ATP6V0A2: variants seen among roughly 807,000 people sequenced by gnomAD.
ATP6V0A2 encodes the protein ATPase H+ transporting V0 subunit a2.
In ATP6V0A2, 58 loss-of-function variants were observed where a neutral mutation model predicts 104.4. The observed-to-expected ratio is 0.56, with a 90% CI of 0.45 to 0.69. The LOEUF is 0.69. ATP6V0A2 is among the 30% of genes least tolerant of loss of function. The pLI is 0.00. For missense variants in ATP6V0A2, 938 were observed against 1,062.9 expected, an observed-to-expected ratio of 0.88 and a Z score of 1.63; for synonymous variants, 376 against 397.9, an observed-to-expected ratio of 0.95 and a Z score of 0.65.
At chr12:123,727,633 A>T in intron 5 of ATP6V0A2, 150 bp from the exon 6 acceptor site, 1 of 926,348 alleles carries the variant, frequency 1.1e-6, no homozygotes, top group Non-Finnish European at 1.7e-6. Context: ...TTTCAAAAAT[A>T]TTCTGACCAG....
intron 3 of ATP6V0A2, chr12:123,723,283 T>C (rs1187260247): frequency 6.6e-6 from 1 of 152,160 alleles, no homozygotes; most frequent in Non-Finnish European, 1.5e-5. Context: ...GATGACTGTG[T>C]ACAGTGCTTG....
intron 13 of ATP6V0A2, 95 bp from the exon 14 acceptor site, chr12:123,747,512 A>G (rs1383092079): frequency 1.8e-5 from 15 of 836,796 alleles, no homozygotes; most frequent in Non-Finnish European, 3.0e-5. Context: ...TCTTAAACTT[A>G]GAGCCACCTT....
rs144930749 is a variant in ATP6V0A2 at position 123,712,696 on chromosome 12, G to A, written c.117+14G>A. 1.1e-3 allele frequency: 1,750 copies of A among 1,598,968 alleles called. 16 individuals carry two copies. The African/African-American group carries it at 0.021, about 19-fold the overall frequency. On this transcript the variant is annotated intron_variant, in intron 1 of 19. Transcript: ENST00000330342. ...CAGTTCCGAGACGTGAGTGTCGCCC[G>A]GGAGACGCGGGCCGCACCTGCTCTC...
At chr12:123,742,612 A>T (rs963962077) in intron 9 of ATP6V0A2, among the ~76,000 whole-genome samples, 2 of 152,132 alleles carry the variant, frequency 1.3e-5, no homozygotes, top group East Asian at 3.9e-4. Context: ...CGAGGTGGGC[A>T]GATCACCTGA....
At chr12:123,732,797 C>T (rs1956515576) in intron 6 of ATP6V0A2, 2 of 127,920 alleles carry the variant, frequency 1.6e-5, no homozygotes, top group Admixed American at 9.3e-5. Flanking sequence ...TTCTTTATAG[C>T]ACTTACCTCT....
rs368905954 is a variant in ATP6V0A2, at chr12:123,747,664, T to C, written c.1663T>C (p.Ser555Pro). 2 of 1,613,852 alleles carry C rather than the reference T, an allele frequency of 1.2e-6. No homozygotes were observed. The highest frequency in any genetic ancestry group is 1.3e-5 in the African/African-American group (1 of 74,940). ...TCTAAACTCTTTCAAAATGAAAATG[T>C]CCGTGATTTTAGGAATCATTCATAT... is the stretch of plus-strand genomic sequence containing the variant. ...TFLNSFKMKM[S>P]VILGIIHMTF... The change falls in exon 14 of 20, where the codon TCC becomes CCC. Residue 555 changes from serine to proline, a missense_variant. Transcript: ENST00000330342.
At position 123,712,663 on chromosome 12, in the gene ATP6V0A2, G is replaced by T. The variant is rs1956304049; in HGVS notation, c.98G>T (p.Gly33Val). ...TGCCTCAGCGCCCTGGGCGAGAAAG[G>T]CCTGGTCCAGTTCCGAGACGTGAGT... is the stretch of plus-strand genomic sequence containing the variant. ...YECLSALGEK[G>V]LVQFRDLNQN... The change falls in exon 1 of 20, where the codon GGC becomes GTC. Residue 33 changes from glycine (G) to valine (V), a missense_variant. Physicochemically the swap from Gly to Val is moderately radical, Grantham distance 109 (BLOSUM62 -3). Coordinates refer to ENST00000330342, the MANE Select transcript of ATP6V0A2 (RefSeq NM_012463.4). 1 of 1,610,234 alleles carries T rather than the reference G, an allele frequency of 6.2e-7. No individual in the cohort carries two copies.
intron 6 of ATP6V0A2, among the ~76,000 whole-genome samples, chr12:123,728,900 C>T (rs1457362507): frequency 2.0e-5 from 3 of 152,068 alleles, no homozygotes; most frequent in Non-Finnish European, 4.4e-5. Context: ...CATTACTGGT[C>T]GTGGTCGCTC....
At chr12:123,753,058 C>G (rs528696569) in intron 17 of ATP6V0A2, among the ~76,000 whole-genome samples, 118 of 152,164 alleles carry the variant, frequency 7.8e-4, no homozygotes, top group African/African-American at 2.7e-3. Context: ...GTCCCCTTTA[C>G]GAGTGACCGC....
chr12:123,742,423 CG>C (rs1956618417), intron 9 of ATP6V0A2, among the ~76,000 whole-genome samples: 1 of 152,068 alleles, frequency 6.6e-6, no homozygotes, highest in Admixed American at 6.6e-5. Flanking sequence ...AAATGCCATC[CG>C]TAGGCTTTAG....
Position 123,719,610 on chromosome 12 carries a change from C to T in ATP6V0A2, c.196+909C>T, listed in dbSNP as rs1161763452. Reference sequence around the variant, plus strand: ...CCATGTTGGCCAGGCTGGTCTTGAACTCCTTGTTAGGGACAAACCGCCCCA... The same window carrying T: ...CCATGTTGGCCAGGCTGGTCTTGAATTCCTTGTTAGGGACAAACCGCCCCA... On this transcript the variant is annotated intron_variant, in intron 2 of 19. Transcript: ENST00000330342. Among the ~76,000 whole-genome samples the T allele has an allele frequency of 6.6e-5, 10 of 151,828 alleles. 1 individual carries two copies. In the South Asian group the frequency reaches 8.3e-4, roughly 13 times the overall value.
chr12:123,752,759 C>T (rs765952102), intron 17 of ATP6V0A2, among the ~76,000 whole-genome samples: 2 of 152,104 alleles, frequency 1.3e-5, no homozygotes, highest in African/African-American at 4.8e-5. Context: ...TTTCTGATTG[C>T]GAAGGGATTT....
At chr12:123,717,914 T>G (rs1246959633) in intron 1 of ATP6V0A2, among the ~76,000 whole-genome samples, 1 of 152,052 alleles carries the variant, frequency 6.6e-6, no homozygotes, top group Non-Finnish European at 1.5e-5. Flanking sequence ...GCTGGGCAAA[T>G]AATCATTTTC....
rs375230427 is a variant in ATP6V0A2 at position 123,737,333 on chromosome 12, CAG to C, written c.1038+66_1038+67del. 8.7e-5 allele frequency: 133 copies of C among 1,526,574 alleles called. 1 individual carries two copies. The East Asian group carries it at 2.2e-3, about 25-fold the overall frequency. The allele number at this position is 1,526,574 out of a possible 1,614,324, so 94.6% of individuals were successfully genotyped here. ...GAGAGACTGATGGAACTGATAAATTCAGAGAAAAAAAGGAAGTGAGAATTTCA... is the reference window on the plus strand; with the variant it reads ...GAGAGACTGATGGAACTGATAAATTCAGAAAAAAAGGAAGTGAGAATTTCA... On this transcript the variant is annotated intron_variant, in intron 9 of 19. Transcript: ENST00000330342.
At chr12:123,738,170 C>T (rs375100564) in intron 9 of ATP6V0A2, among the ~76,000 whole-genome samples, 6 of 152,050 alleles carry the variant, frequency 3.9e-5, no homozygotes, top group South Asian at 2.1e-4. Flanking sequence ...TTTGGGAGGC[C>T]GAGGCGGGTG....
Position 123,752,291 on chromosome 12 carries a change from C to T in ATP6V0A2, c.2064C>T (p.Tyr688=). The change falls in exon 17 of 20, where the codon TAC becomes TAT. Residue 688 remains tyrosine (Y), a synonymous_variant. Transcript: ENST00000330342. ...RSCFGVNRSG[Y]TLIRKDSEEE... is the part of the protein sequence containing the mutation. Reference sequence around the variant, plus strand: ...GCTCTTTTGGTTGTTAGAGTGGCTACACACTTATAAGGAAAGATAGTGAGG... The same window carrying T: ...GCTCTTTTGGTTGTTAGAGTGGCTATACACTTATAAGGAAAGATAGTGAGG... 1 of 1,613,516 alleles carries T rather than the reference C, an allele frequency of 6.2e-7. No individual in the cohort carries two copies. Among genetic ancestry groups the T allele is most frequent in the Non-Finnish European group, 8.5e-7 (1 of 1,179,944 alleles).
At chr12:123,719,679 G>A (rs1277333188) in intron 2 of ATP6V0A2, among the ~76,000 whole-genome samples, 2 of 151,876 alleles carry the variant, frequency 1.3e-5, no homozygotes, top group African/African-American at 2.4e-5. Flanking sequence ...AAAGCTCTCC[G>A]TGCTGCCTAC....
Position 123,757,924 on chromosome 12 carries a change from TAG to T in ATP6V0A2, c.2466-2_2466-1del. 3 of 1,549,884 alleles carry T rather than the reference TAG, an allele frequency of 1.9e-6. No homozygotes were observed. The highest frequency in any genetic ancestry group is 3.5e-5 in the Admixed American group (2 of 57,502). On this transcript the variant is annotated splice_acceptor_variant, in intron 19 of 19. Coordinates refer to ENST00000330342, the MANE Select transcript of ATP6V0A2 (RefSeq NM_012463.4). LOFTEE classifies it high-confidence loss of function. Reference sequence around the variant, plus strand: ...ATTAATACATGGCTTTTTTTTTTTTTAGGGTAGAATTTCAGAACAAATTCTAC... The same window carrying T: ...ATTAATACATGGCTTTTTTTTTTTTTGGTAGAATTTCAGAACAAATTCTAC...
In ATP6V0A2 at chr12:123,712,813, A is replaced by G. The variant is rs536927573; in HGVS notation, c.117+131A>G. The G allele has an allele frequency of 5.8e-5, 48 of 833,696 alleles. No homozygotes were observed. The South Asian group carries it at 6.9e-4, about 12-fold the overall frequency. 51.6% of individuals were successfully genotyped at this position (833,696 alleles called of 1,614,324 possible). ...CGTCCCCATTGTCCAGACGGGGAAG[A>G]TGACACCCCAGCTCAGCGGCCAAAG... is the stretch of plus-strand genomic sequence containing the variant. On this transcript the variant is annotated intron_variant, in intron 1 of 19. Transcript: ENST00000330342.
Sources: allele counts gnomAD v4.1 joint callset (sites outside exome capture counted in the v4.1 genomes callset), GRCh38; gene constraint gnomAD v4.1.1; transcripts MANE v1.5; gene names NCBI Gene and HGNC (gene_info 2026-07-23, HGNC 2026-07-21).